ATP10A: variants seen among roughly 807,000 people sequenced by gnomAD.
ATP10A encodes the protein ATPase phospholipid transporting 10A (putative).
ATP10A carries 111 observed loss-of-function variants against 147.8 expected under a neutral mutation model. The ratio of observed to expected loss-of-function variants is 0.75; its 90% CI spans 0.64 to 0.88. The LOEUF (loss-of-function observed/expected upper bound fraction) is 0.88, where lower values mean the gene tolerates loss of function less well. Among genes scored for constraint, ATP10A ranks in the 40% least tolerant of loss-of-function variants. The probability of loss-of-function intolerance (pLI) is 0.00; values close to 1 mark genes in which losing one functional copy is unlikely to be tolerated. For missense variants in ATP10A, 1,927 were observed against 1,959.0 expected (o/e 0.98, Z 0.31); for synonymous variants, 875 against 841.6 (o/e 1.04, Z -0.69).
intron 16 of ATP10A, among the ~76,000 whole-genome samples, chr15:25,685,133 G>A (rs1899639562): frequency 6.6e-6 from 1 of 152,118 alleles, no homozygotes; most frequent in African/African-American, 2.4e-5. Flanking sequence ...GTACCAAAAA[G>A]CTTTCTTCCC....
intron 1 of ATP10A, among the ~76,000 whole-genome samples, chr15:25,851,817 T>G (rs1344985144): frequency 6.6e-6 from 1 of 152,190 alleles, no homozygotes; most frequent in Non-Finnish European, 1.5e-5. Context: ...GCGGTCTCAG[T>G]ATTTTGGGAG....
intron 2 of ATP10A, among the ~76,000 whole-genome samples, chr15:25,757,733 T>C (rs536876938): frequency 6.6e-6 from 1 of 152,354 alleles, no homozygotes; most frequent in Admixed American, 6.5e-5. Context: ...TCTAAATTTC[T>C]TTTCAAAGAA....
At chr15:25,732,558 CTTTT>C (rs36120691) in intron 3 of ATP10A, among the ~76,000 whole-genome samples, 3 of 84,142 alleles carry the variant, frequency 3.6e-5, no homozygotes, top group South Asian at 4.1e-4. Flanking sequence ...GCGACACCTT[CTTTT>C]TTTTTTTTTT....
intron 3 of ATP10A, among the ~76,000 whole-genome samples, chr15:25,731,093 C>T (rs1902955999): frequency 6.6e-6 from 1 of 152,182 alleles, no homozygotes; most frequent in Non-Finnish European, 1.5e-5. Context: ...TCTTTACTAA[C>T]CACCGTCTCT....
At chr15:25,843,288 A>T (rs918210503) in intron 1 of ATP10A, among the ~76,000 whole-genome samples, 3 of 134,220 alleles carry the variant, frequency 2.2e-5, no homozygotes, top group Non-Finnish European at 4.7e-5. Context: ...ACCCAAACCC[A>T]CATCAGTGTG....
intron 12 of ATP10A, among the ~76,000 whole-genome samples, chr15:25,704,860 C>T (rs1900882133): frequency 6.6e-6 from 1 of 152,150 alleles, no homozygotes; most frequent in Non-Finnish European, 1.5e-5. Flanking sequence ...CTCTGGAAGG[C>T]CTGGCATTTC....
At chr15:25,675,404 A>G (rs567125286), downstream of ATP10A, among the ~76,000 whole-genome samples, 1 of 152,320 alleles carries the variant, frequency 6.6e-6, no homozygotes, top group East Asian at 1.9e-4. Flanking sequence ...ATGAGAAGGG[A>G]TTCATTCAGT....
intron 1 of ATP10A, among the ~76,000 whole-genome samples, chr15:25,783,963 C>T (rs535616840): frequency 3.7e-4 from 57 of 152,310 alleles, no homozygotes; most frequent in Admixed American, 1.8e-3. Context: ...ATCCCCAGGC[C>T]GTCCAGCTTA....
chr15:25,735,060 G>A (rs1374429496), intron 3 of ATP10A, among the ~76,000 whole-genome samples: 1 of 152,054 alleles, frequency 6.6e-6, no homozygotes, highest in African/African-American at 2.4e-5. Flanking sequence ...CACTGCCTGG[G>A]CCATTCAGCG....
rs1902527402 is a variant in ATP10A, at chr15:25,726,096, CAA to C, written c.848-16_848-15del. ...TGGTTTCATGTCCTGTCGGGGAGGA[CAA>C]AGAGACATGGCAAGTCAGAGACTGG... On this transcript the variant is annotated splice_polypyrimidine_tract_variant and intron_variant, in intron 4 of 20. Coordinates refer to ENST00000555815, the MANE Select transcript of ATP10A (RefSeq NM_024490.4). 1.9e-6 allele frequency: 3 copies of C among 1,611,522 alleles called. No homozygotes were observed. Among genetic ancestry groups the C allele is most frequent in the Non-Finnish European group, 1.7e-6 (2 of 1,178,390 alleles).
rs1360201551 is a variant in ATP10A, at chr15:25,683,494, C to A, written c.3292-8G>T. The stretch of plus-strand genomic sequence containing the variant: ...CAGGAGGCCCACGAACATCTGAAAT[C>A]AAGAAAGGAAGAACAGGAACAGGCG... On this transcript the variant is annotated splice_polypyrimidine_tract_variant and splice_region_variant and intron_variant, in intron 16 of 20. Transcript: ENST00000555815. 2 of 1,608,788 alleles carry A rather than the reference C, an allele frequency of 1.2e-6. No homozygotes were observed. The highest frequency in any genetic ancestry group is 1.7e-6 in the Non-Finnish European group (2 of 1,177,564).
At chr15:25,674,528 G>A (rs1014477970), downstream of ATP10A, among the ~76,000 whole-genome samples, 49 of 152,104 alleles carry the variant, frequency 3.2e-4, no homozygotes, top group Admixed American at 2.0e-4. Flanking sequence ...TAAAATTCAC[G>A]GCTTCGGGAA....
At chr15:25,841,678 C>T (rs1358803223) in intron 1 of ATP10A, 5 of 151,678 alleles carry the variant, frequency 3.3e-5, no homozygotes, top group Admixed American at 6.6e-5. Flanking sequence ...GTTCATTTTC[C>T]GATCCATGAA....
At chr15:25,702,219 C>A in intron 12 of ATP10A, 119 bp from the exon 13 acceptor site, 1 of 1,068,622 alleles carries the variant, frequency 9.4e-7, no homozygotes. Context: ...GCCCCTGTTG[C>A]CTGGGCCTTG....
At chr15:25,695,402 G>A (rs1340636072) in intron 13 of ATP10A, among the ~76,000 whole-genome samples, 1 of 152,012 alleles carries the variant, frequency 6.6e-6, no homozygotes, top group Non-Finnish European at 1.5e-5. Context: ...GCCGAGGCGG[G>A]TGGATCACGA....
Position 25,724,733 on chromosome 15 carries a change from T to A in ATP10A, c.980-712A>T, listed in dbSNP as rs1902440959. Reference sequence around the variant, plus strand: ...TTAGCACCAGGTTACTGATACTTCTTCCCCTGGAATTACCACCACCGCTGT... The same window carrying A: ...TTAGCACCAGGTTACTGATACTTCTACCCCTGGAATTACCACCACCGCTGT... On this transcript the variant is annotated intron_variant, in intron 5 of 20. Coordinates refer to ENST00000555815, the MANE Select transcript of ATP10A (RefSeq NM_024490.4). Among the ~76,000 whole-genome samples, 4 of 152,344 alleles carry A rather than the reference T, an allele frequency of 2.6e-5. No homozygotes were observed. The South Asian group carries it at 6.2e-4, about 24-fold the overall frequency.
intron 1 of ATP10A, among the ~76,000 whole-genome samples, chr15:25,795,721 T>A (rs1890641803): frequency 6.6e-6 from 1 of 152,146 alleles, no homozygotes; most frequent in Admixed American, 6.5e-5. Flanking sequence ...CTGGGAAAAT[T>A]TTGACATGTG....
intron 2 of ATP10A, among the ~76,000 whole-genome samples, chr15:25,744,884 T>C (rs2140524669): frequency 6.6e-6 from 1 of 152,232 alleles, no homozygotes; most frequent in East Asian, 1.9e-4. Context: ...GGAGCAATTA[T>C]TGAATACATA....
At chr15:25,704,740 C>A (rs1160364113) in intron 12 of ATP10A, among the ~76,000 whole-genome samples, 1 of 152,236 alleles carries the variant, frequency 6.6e-6, no homozygotes, top group African/African-American at 2.4e-5. Context: ...CAGGCAGCAG[C>A]CTTTCAAGAT....
Sources: gnomAD v4.1 joint callset for allele counts (sites outside exome capture counted in the v4.1 genomes callset) on GRCh38, gnomAD v4.1.1 for gene constraint, MANE v1.5 for transcripts, NCBI Gene and HGNC (gene_info 2026-07-23, HGNC 2026-07-21) for gene names.